The following RAD51B variants were observed in gnomAD, a reference collection of about 807,000 sequenced individuals.
RAD51B encodes DNA repair protein RAD51 homolog 2.
RAD51B carries 38 observed loss-of-function variants against 42.2 expected under a neutral mutation model. The ratio of observed to expected loss-of-function variants is 0.90; its 90% confidence interval spans 0.70 to 1.18. The LOEUF (loss-of-function observed/expected upper bound fraction) is 1.18, where lower values mean the gene tolerates loss of function less well. RAD51B is among the 50% of genes most tolerant of loss of function. The pLI is 0.00. For synonymous variants in RAD51B, 154 were observed against 145.2 expected, an observed-to-expected ratio of 1.06 and a Z score of -0.43; for missense variants, 373 against 400.7, an observed-to-expected ratio of 0.93 and a Z score of 0.59.
At chr14:67,844,211 G>A (rs1344454264) in intron 4 of RAD51B, among the ~76,000 whole-genome samples, 1 of 151,768 alleles carries the variant, frequency 6.6e-6, no homozygotes, top group Non-Finnish European at 1.5e-5. Flanking sequence ...TGGTCCAAGA[G>A]TGTGATTGGT....
At chr14:68,450,272 G>A (rs1404454812) in intron 9 of RAD51B, among the ~76,000 whole-genome samples, 5 of 130,738 alleles carry the variant, frequency 3.8e-5, no homozygotes, top group Non-Finnish European at 7.8e-5. Flanking sequence ...AGACTGGAGT[G>A]CAATGGCACG....
intron 9 of RAD51B, among the ~76,000 whole-genome samples, chr14:68,443,858 A>C (rs1374305310): frequency 6.6e-6 from 1 of 152,112 alleles, no homozygotes; most frequent in Non-Finnish European, 1.5e-5. Flanking sequence ...AAAAAACAAA[A>C]CTTTCTGCTT....
chr14:68,333,787 G>A (rs2082394147), intron 8 of RAD51B, among the ~76,000 whole-genome samples: 1 of 152,122 alleles, frequency 6.6e-6, no homozygotes, highest in South Asian at 2.1e-4. Context: ...TGTGGTAAGA[G>A]CATATAACAT....
chr14:68,594,582 C>T (rs1890909533), exon 11 of RAD51B: 6 of 1,298,854 alleles, frequency 4.6e-6, no homozygotes, highest in Non-Finnish European at 6.1e-6. Context: ...AGATGTGCCA[C>T]CATACCCAGC....
chr14:67,954,132 A>G (rs1239006641), intron 7 of RAD51B, among the ~76,000 whole-genome samples: 1 of 152,126 alleles, frequency 6.6e-6, no homozygotes, highest in African/African-American at 2.4e-5. Context: ...GGTTATAGTA[A>G]CGCTCTAACT....
chr14:68,538,471 C>G (rs1887769247), intron 10 of RAD51B, among the ~76,000 whole-genome samples: 2 of 152,182 alleles, frequency 1.3e-5, no homozygotes, highest in Admixed American at 1.3e-4. Context: ...TGTAGGCAAA[C>G]AGAATATATT....
chr14:68,612,668 A>T (rs1891721232), downstream of RAD51B, among the ~76,000 whole-genome samples: 2 of 152,280 alleles, frequency 1.3e-5, no homozygotes, highest in South Asian at 4.1e-4. Flanking sequence ...CTGTTTTTCA[A>T]GATGAAGAAG....
chr14:68,345,107 G>A (rs2082653169), intron 8 of RAD51B, among the ~76,000 whole-genome samples: 1 of 152,072 alleles, frequency 6.6e-6, no homozygotes, highest in Non-Finnish European at 1.5e-5. Flanking sequence ...TAAATAACTT[G>A]TTTTTGATCT....
chr14:68,667,854 C>G (rs1260672253), intron 11 of RAD51B, among the ~76,000 whole-genome samples: 1 of 152,242 alleles, frequency 6.6e-6, no homozygotes, highest in Non-Finnish European at 1.5e-5. Context: ...CACTTACACC[C>G]TGCCCCGTGG....
At chr14:68,563,998 A>G in intron 10 of RAD51B, 1 of 914,472 alleles carries the variant, frequency 1.1e-6, no homozygotes, top group Non-Finnish European at 1.3e-6. Context: ...TGTGCCAAAG[A>G]TCACTTTCCC....
At chr14:68,650,745 G>C (rs139103124) in intron 10 of RAD51B, 2 of 735,668 alleles carry the variant, frequency 2.7e-6, no homozygotes, top group Admixed American at 1.8e-5. Context: ...GGAAAAGCTA[G>C]GTTCCTTACA....
At chr14:68,680,429 T>C (rs1566971215) in intron 11 of RAD51B, among the ~76,000 whole-genome samples, 3 of 152,218 alleles carry the variant, frequency 2.0e-5, no homozygotes. Flanking sequence ...ATCTGATCTG[T>C]TGTTAGTATT....
intron 8 of RAD51B, among the ~76,000 whole-genome samples, chr14:68,342,203 G>A (rs2082585194): frequency 6.6e-6 from 1 of 152,134 alleles, no homozygotes; most frequent in South Asian, 2.1e-4. Context: ...CCAGTGCCTA[G>A]TCCAATCCTT....
chr14:68,067,791 G>A (rs2076677879), intron 7 of RAD51B, among the ~76,000 whole-genome samples: 1 of 151,804 alleles, frequency 6.6e-6, no homozygotes, highest in Admixed American at 6.6e-5. Context: ...AATTAGCCAG[G>A]CTTGGTGGTA....
chr14:68,020,200 C>T (rs2075841368), intron 7 of RAD51B, among the ~76,000 whole-genome samples: 1 of 152,146 alleles, frequency 6.6e-6, no homozygotes, highest in South Asian at 2.1e-4. Context: ...ACCTCTGTCT[C>T]CTGGGCTCAA....
chr14:68,326,664 G>T (rs2082258037), intron 8 of RAD51B, among the ~76,000 whole-genome samples: 1 of 152,164 alleles, frequency 6.6e-6, no homozygotes, highest in African/African-American at 2.4e-5. Flanking sequence ...TAAATGTTAG[G>T]AGTAGACATA....
chr14:68,350,249 A>T (rs1231476829), intron 8 of RAD51B, among the ~76,000 whole-genome samples: 5 of 152,246 alleles, frequency 3.3e-5, no homozygotes, highest in African/African-American at 9.6e-5. Flanking sequence ...AACTGCCTTC[A>T]TCTGCAGATT....
At chr14:67,975,205 G>A (rs1241236627) in intron 7 of RAD51B, among the ~76,000 whole-genome samples, 2 of 152,202 alleles carry the variant, frequency 1.3e-5, no homozygotes, top group Non-Finnish European at 2.9e-5. Context: ...GTGCACAAAT[G>A]AATGCTGTTA....
At chr14:68,386,211 T>C (rs1418785517) in intron 8 of RAD51B, among the ~76,000 whole-genome samples, 1 of 152,180 alleles carries the variant, frequency 6.6e-6, no homozygotes, top group Non-Finnish European at 1.5e-5. Context: ...AGTCCAGCTT[T>C]TGTGCTGTGG....
Sources: allele counts gnomAD v4.1 joint callset (sites outside exome capture counted in the v4.1 genomes callset), GRCh38; gene constraint gnomAD v4.1.1; transcripts MANE v1.5; gene names NCBI Gene and HGNC (gene_info 2026-07-23, HGNC 2026-07-21).